Variants in F2R observed in about 807,000 individuals in gnomAD.
F2R encodes proteinase-activated receptor 1.
F2R carries 12 observed loss-of-function variants against 18.3 expected under a neutral mutation model. The observed-to-expected ratio is 0.66, with a 90% CI of 0.42 to 1.06. The LOEUF (loss-of-function observed/expected upper bound fraction) is 1.06. Ranked by LOEUF, F2R falls within the 50% of genes least tolerant of loss-of-function variation. The pLI, the probability that F2R is intolerant of heterozygous loss-of-function variation, is 0.00. For missense variants in F2R, 438 were observed against 530.8 expected (o/e 0.83, Z 1.72); for synonymous variants, 210 against 219.9 (o/e 0.95, Z 0.40).
rs146680313 is a variant in F2R, at chr5:76,735,099, A to G, written c.*1596A>G. 2 of 152,512 alleles carry G rather than the reference A, an allele frequency of 1.3e-5. No homozygotes were observed. Among genetic ancestry groups the G allele is most frequent in the African/African-American group, 2.4e-5 (1 of 41,590 alleles). 9.4% of individuals were successfully genotyped at this position (152,512 alleles called of 1,614,324 possible). A position where few individuals can be genotyped will look rare whatever the true frequency, so the allele number is the denominator to read the frequency against. ...ATGGAATTCACAAAGTAATTTGGAA[A>G]TTAGGTTGAAACATATCTCTTATCT... On this transcript the variant is annotated 3_prime_UTR_variant, in exon 2 of 2. Transcript: ENST00000319211.
intron 1 of F2R, among the ~76,000 whole-genome samples, chr5:76,722,967 AT>A (rs1297865345): frequency 6.6e-6 from 1 of 151,694 alleles, no homozygotes; most frequent in Non-Finnish European, 1.5e-5. Flanking sequence ...AAAAAAAAGA[AT>A]TTTGTCTTTA....
intron 1 of F2R, among the ~76,000 whole-genome samples, chr5:76,725,792 G>A (rs1442254265): frequency 6.6e-6 from 1 of 152,174 alleles, no homozygotes; most frequent in Admixed American, 6.6e-5. Context: ...CAAGTATAAT[G>A]TTCCTGTCGG....
chr5:76,716,331 G>A lies in F2R; in HGVS notation c.24G>A (p.Leu8=), dbSNP rs1243494438. The part of the protein sequence containing the change: MGPRRLL[L]VAACFSLCGP... ...CAATGGGGCCGCGGCGGCTGCTGCTGGTGGCCGCCTGCTTCAGTCTGTGCG... is the reference window on the plus strand; with the variant it reads ...CAATGGGGCCGCGGCGGCTGCTGCTAGTGGCCGCCTGCTTCAGTCTGTGCG... The change falls in exon 1 of 2, where the codon CTG becomes CTA. Residue 8 remains leucine, a synonymous_variant. Transcript: ENST00000319211. 7.0e-7 allele frequency: 1 copy of A among 1,431,914 alleles called. No individual in the cohort carries two copies. Among genetic ancestry groups the A allele is most frequent in the Non-Finnish European group, 9.1e-7 (1 of 1,094,356 alleles). The allele number at this position is 1,431,914 out of a possible 1,614,324, so 88.7% of individuals were successfully genotyped here. A position where few individuals can be genotyped will look rare whatever the true frequency, so the allele number is the denominator to read the frequency against.
chr5:76,724,714 A>G (rs532646996), intron 1 of F2R, among the ~76,000 whole-genome samples: 1 of 152,340 alleles, frequency 6.6e-6, no homozygotes, highest in South Asian at 2.1e-4. Flanking sequence ...GGTGATCAAC[A>G]TGTCACATCT....
In F2R at chr5:76,732,391, T is replaced by G. The variant is rs769689174; in HGVS notation, c.166T>G (p.Trp56Gly). 24 of 1,614,084 alleles carry G rather than the reference T, an allele frequency of 1.5e-5. No individual in the cohort carries two copies. The highest frequency in any genetic ancestry group is 1.3e-5 in the African/African-American group (1 of 74,926). Reference sequence around the variant, plus strand: ...CCCCAATGATAAATATGAACCATTTTGGGAGGATGAGGAGAAAAATGAAAG... The same window carrying G: ...CCCCAATGATAAATATGAACCATTTGGGGAGGATGAGGAGAAAAATGAAAG... ...RNPNDKYEPF[W>G]EDEEKNESGL... The change falls in exon 2 of 2, where the codon TGG (tryptophan) becomes GGG (glycine). Residue 56 changes from tryptophan to glycine, a missense_variant. Physicochemically the swap from Trp to Gly is radical, Grantham distance 184 (BLOSUM62 -2). Transcript: ENST00000319211.
At position 76,734,918 on chromosome 5, in the gene F2R, A is replaced by G. The variant is rs1157138375; in HGVS notation, c.*1415A>G. ...ATTGCTCAAATCAGGTTTTCTTTTAAGAATCAATCATGTCAGTCTGCTTAG... is the reference window on the plus strand; with the variant it reads ...ATTGCTCAAATCAGGTTTTCTTTTAGGAATCAATCATGTCAGTCTGCTTAG... On this transcript the variant is annotated 3_prime_UTR_variant, in exon 2 of 2. Transcript: ENST00000319211. 6.6e-6 allele frequency: 1 copy of G among 152,404 alleles called. No individual in the cohort carries two copies. The highest frequency in any genetic ancestry group is 1.5e-5 in the Non-Finnish European group (1 of 68,040). 9.4% of individuals were successfully genotyped at this position (152,404 alleles called of 1,614,324 possible). A position where few individuals can be genotyped will look rare whatever the true frequency, so the allele number is the denominator to read the frequency against.
intron 1 of F2R, among the ~76,000 whole-genome samples, chr5:76,721,246 T>C (rs1416799703): frequency 6.6e-6 from 1 of 152,240 alleles, no homozygotes; most frequent in African/African-American, 2.4e-5. Flanking sequence ...TCCATAGTTT[T>C]ACCATTCATA....
At chr5:76,727,171 G>A (rs937318639) in intron 1 of F2R, among the ~76,000 whole-genome samples, 1 of 152,196 alleles carries the variant, frequency 6.6e-6, no homozygotes, top group Non-Finnish European at 1.5e-5. Context: ...CACACTACAT[G>A]GAAGTGGGAG....
At chr5:76,729,512 A>G (rs1174726605) in intron 1 of F2R, among the ~76,000 whole-genome samples, 1 of 152,216 alleles carries the variant, frequency 6.6e-6, no homozygotes, top group East Asian at 1.9e-4. Context: ...ACTTTGATAC[A>G]GTCCCAGTTG....
intron 1 of F2R, among the ~76,000 whole-genome samples, 186 bp from the exon 2 acceptor site, chr5:76,732,128 T>C (rs1233869674): frequency 6.6e-6 from 1 of 152,202 alleles, no homozygotes; most frequent in African/African-American, 2.4e-5. Context: ...TCAAGACAAA[T>C]GTTTCACAGT....
chr5:76,735,662 A>G lies in F2R; in HGVS notation c.*2159A>G, dbSNP rs1748770067. 6.6e-6 allele frequency: 1 copy of G among 152,180 alleles called. No homozygotes were observed. Among genetic ancestry groups the G allele is most frequent in the Non-Finnish European group, 1.5e-5 (1 of 68,034 alleles). The allele number at this position is 152,180 out of a possible 1,614,324, so 9.4% of individuals were successfully genotyped here. A position where few individuals can be genotyped will look rare whatever the true frequency, so the allele number is the denominator to read the frequency against. On this transcript the variant is annotated 3_prime_UTR_variant, in exon 2 of 2. Coordinates refer to ENST00000319211, the MANE Select transcript of F2R (RefSeq NM_001992.5). ...ACTGTCATTGTTTATTAGTCTGTAT[A>G]TATTAAAATATGATATCATTAATGT...
rs536795570 is a variant in F2R at position 76,722,511 on chromosome 5, G to A, written c.88+6116G>A. On this transcript the variant is annotated intron_variant, in intron 1 of 1. Transcript: ENST00000319211. ...CTGCTGTGGCGTTGGGTACACCTGC[G>A]TTTACTTTCCTGCAACTTCCCTTCT... 6.6e-5 allele frequency among the ~76,000 whole-genome samples: 10 copies of A among 151,242 alleles called. No individual in the cohort carries two copies. In the East Asian group the frequency reaches 1.0e-3, roughly 15 times the overall value.
In F2R at chr5:76,716,660, G is replaced by A. The variant is rs2227747; in HGVS notation, c.88+265G>A. ...GGTGTTGGATATGGAGGAGGATGGA[G>A]CGGAAGCCCCCTGGGGGAGCCTGCA... On this transcript the variant is annotated intron_variant, in intron 1 of 1. Coordinates refer to ENST00000319211, the MANE Select transcript of F2R (RefSeq NM_001992.5). 253 of 747,238 alleles carry A rather than the reference G, an allele frequency of 3.4e-4. 1 individual carries two copies. In the African/African-American group the frequency reaches 4.0e-3, roughly 12 times the overall value. The allele number at this position is 747,238 out of a possible 1,614,324, so 46.3% of individuals were successfully genotyped here.
Position 76,733,153 on chromosome 5 carries a change from C to T in F2R, c.928C>T (p.Arg310Trp). 4 of 1,614,170 alleles carry T rather than the reference C, an allele frequency of 2.5e-6. No homozygotes were observed. The highest frequency in any genetic ancestry group is 3.4e-6 in the Non-Finnish European group (4 of 1,180,042). ...SAVANRSKKS[R>W]ALFLSAAVFC... ...AGTTGCCAACCGCAGCAAGAAGTCCCGGGCTTTGTTCCTGTCAGCTGCTGT... is the reference window on the plus strand; with the variant it reads ...AGTTGCCAACCGCAGCAAGAAGTCCTGGGCTTTGTTCCTGTCAGCTGCTGT... The change falls in exon 2 of 2, where the codon CGG becomes TGG. Residue 310 changes from arginine to tryptophan, a missense_variant. Physicochemically the swap from Arg to Trp is moderately radical, Grantham distance 101. Coordinates refer to ENST00000319211, the MANE Select transcript of F2R (RefSeq NM_001992.5).
intron 1 of F2R, among the ~76,000 whole-genome samples, chr5:76,717,576 C>A (rs375635679): frequency 6.6e-6 from 1 of 152,026 alleles, no homozygotes; most frequent in Non-Finnish European, 1.5e-5. Context: ...ACTAAGAGCT[C>A]CAGACTGGGG....
At chr5:76,725,579 C>T (rs1254450978) in intron 1 of F2R, among the ~76,000 whole-genome samples, 1 of 152,128 alleles carries the variant, frequency 6.6e-6, no homozygotes, top group Non-Finnish European at 1.5e-5. Flanking sequence ...GTCTAGTCAC[C>T]TTGCATTGGT....
chr5:76,730,311 T>C (rs1328297331), intron 1 of F2R, among the ~76,000 whole-genome samples: 1 of 152,218 alleles, frequency 6.6e-6, no homozygotes, highest in Admixed American at 6.5e-5. Flanking sequence ...TCCCCCTCTC[T>C]GACTTTTTCC....
In F2R at chr5:76,734,477, A is replaced by T. The variant is rs1214786758; in HGVS notation, c.*974A>T. 6.6e-6 allele frequency: 1 copy of T among 152,392 alleles called. No homozygotes were observed. The highest frequency in any genetic ancestry group is 1.9e-4 in the East Asian group (1 of 5,334). 9.4% of individuals were successfully genotyped at this position (152,392 alleles called of 1,614,324 possible). On this transcript the variant is annotated 3_prime_UTR_variant, in exon 2 of 2. Transcript: ENST00000319211. ...GCAAAGCAGAATGTGATATCCTAGGAGGTAATGACCATGAAAGACTTCTCT... is the reference window on the plus strand; with the variant it reads ...GCAAAGCAGAATGTGATATCCTAGGTGGTAATGACCATGAAAGACTTCTCT...
At chr5:76,723,549 T>C (rs1017935141) in intron 1 of F2R, among the ~76,000 whole-genome samples, 1 of 152,224 alleles carries the variant, frequency 6.6e-6, no homozygotes, top group Non-Finnish European at 1.5e-5. Flanking sequence ...ATCTGGCACA[T>C]AGTAGGTGCT....
Sources: allele counts gnomAD v4.1 joint callset (sites outside exome capture counted in the v4.1 genomes callset), GRCh38; gene constraint gnomAD v4.1.1; transcripts MANE v1.5; gene names NCBI Gene and HGNC (gene_info 2026-07-23, HGNC 2026-07-21).